The following AGBL1 variants were observed in gnomAD, a reference collection of about 807,000 sequenced individuals.
The protein encoded by AGBL1 is cytosolic carboxypeptidase 4.
Under a neutral mutation model 118.9 loss-of-function variants are expected in AGBL1, and 130 were observed. The observed-to-expected ratio is 1.09, with a 90% CI of 0.95 to 1.26. The LOEUF is 1.26. AGBL1 is among the 50% of genes most tolerant of loss of function. The pLI is 0.00. For missense variants in AGBL1, 1,584 were observed against 1,298.1 expected (o/e 1.22, Z -3.38); for synonymous variants, 555 against 478.9 (o/e 1.16, Z -2.08).
In AGBL1 at chr15:86,594,165, C is replaced by T. The variant is rs376179048; in HGVS notation, c.2994+39628C>T. Among the ~76,000 whole-genome samples the T allele has an allele frequency of 1.2e-4, 18 of 152,212 alleles. No individual in the cohort carries two copies. The East Asian group carries it at 3.1e-3, about 26-fold the overall frequency. On this transcript the variant is annotated intron_variant, in intron 21 of 22. Transcript: ENST00000614907. Reference sequence around the variant, plus strand: ...GCCTCAAGTGATCCTCCCACCTAGGCCTCCCAAAGTTCTAGGATTACAGGA... The same window carrying T: ...GCCTCAAGTGATCCTCCCACCTAGGTCTCCCAAAGTTCTAGGATTACAGGA...
At chr15:86,234,428 G>A (rs2078504654) in intron 6 of AGBL1, among the ~76,000 whole-genome samples, 1 of 151,824 alleles carries the variant, frequency 6.6e-6, no homozygotes, top group Non-Finnish European at 1.5e-5. Context: ...GCATGCACTT[G>A]TAGTCCCAGC....
At chr15:86,780,653 A>G (rs1338330655) in intron 22 of AGBL1, among the ~76,000 whole-genome samples, 1 of 121,306 alleles carries the variant, frequency 8.2e-6, no homozygotes, top group African/African-American at 2.6e-5. Flanking sequence ...GTCTTCTTTA[A>G]CTTCTTTTTT....
At chr15:86,190,103 A>G (rs1456287012) in intron 5 of AGBL1, among the ~76,000 whole-genome samples, 3 of 152,206 alleles carry the variant, frequency 2.0e-5, no homozygotes, top group African/African-American at 7.2e-5. Flanking sequence ...TTTTCATTGC[A>G]TAGTGGTAAT....
intron 23 of AGBL1, among the ~76,000 whole-genome samples, chr15:86,936,324 A>C (rs1392813104): frequency 6.6e-6 from 1 of 152,052 alleles, no homozygotes; most frequent in East Asian, 1.9e-4. Context: ...AACAAAAGTA[A>C]ATTACTCACT....
At chr15:86,872,217 G>A (rs1280285761) in intron 22 of AGBL1, among the ~76,000 whole-genome samples, 1 of 152,182 alleles carries the variant, frequency 6.6e-6, no homozygotes, top group South Asian at 2.1e-4. Flanking sequence ...AGCAGTGCCT[G>A]TGAATTCTCA....
intron 18 of AGBL1, among the ~76,000 whole-genome samples, chr15:86,504,290 C>G (rs936264055): frequency 1.3e-5 from 2 of 151,350 alleles, no homozygotes; most frequent in Admixed American, 1.3e-4. Context: ...TCTTTTAACC[C>G]ATTGTGTCTT....
chr15:86,624,483 C>T (rs1256253595), intron 21 of AGBL1, among the ~76,000 whole-genome samples: 4 of 152,166 alleles, frequency 2.6e-5, no homozygotes, highest in Non-Finnish European at 5.9e-5. Context: ...TGTTCAATAT[C>T]GATTCTGAGT....
rs1555462936 is a variant in AGBL1, at chr15:86,298,246, A to ATTATATATATATATATATATATAT, written c.2374+2838_2374+2839insTTATATATATATATATATATATAT. On this transcript the variant is annotated intron_variant, in intron 17 of 22. Coordinates refer to ENST00000614907, the MANE Select transcript of AGBL1 (RefSeq NM_001386094.1). ...GTATACAGGGTACGTGTCTGTGTAT[A>ATTATATATATATATATATATATAT]ATATATATATATATATATATATATA... Among the ~76,000 whole-genome samples, 11 of 69,804 alleles carry ATTATATATATATATATATATATAT rather than the reference A, an allele frequency of 1.6e-4. 1 individual carries two copies. The highest frequency in any genetic ancestry group is 2.6e-4 in the African/African-American group (4 of 15,352). 45.8% of individuals were successfully genotyped at this position (69,804 alleles called of 152,430 possible).
intron 2 of AGBL1, among the ~76,000 whole-genome samples, chr15:86,142,445 T>G (rs1461538816): frequency 6.6e-6 from 1 of 152,208 alleles, no homozygotes; most frequent in Non-Finnish European, 1.5e-5. Flanking sequence ...TGAAAGCATG[T>G]AAGCATCACG....
In AGBL1 at chr15:86,335,460, C is replaced by A. The variant is rs142838716; in HGVS notation, c.2374+40052C>A. Among the ~76,000 whole-genome samples, 20 of 152,160 alleles carry A rather than the reference C, an allele frequency of 1.3e-4. No individual in the cohort carries two copies. The East Asian group carries it at 3.9e-3, about 29-fold the overall frequency. ...GCCTAGATTGAGAAGTTCGAAGAAG[C>A]TTCAGAAAGAGCATAGAGAGTAGGA... On this transcript the variant is annotated intron_variant, in intron 17 of 22. Coordinates refer to ENST00000614907, the MANE Select transcript of AGBL1 (RefSeq NM_001386094.1).
At chr15:86,879,525 C>T (rs2079860998) in intron 22 of AGBL1, among the ~76,000 whole-genome samples, 1 of 152,180 alleles carries the variant, frequency 6.6e-6, no homozygotes. Flanking sequence ...TCCTTGCCCT[C>T]TTGCTAGTTT....
intron 24 of AGBL1, among the ~76,000 whole-genome samples, chr15:87,011,414 A>G (rs2081558765): frequency 6.6e-6 from 1 of 152,228 alleles, no homozygotes; most frequent in South Asian, 2.1e-4. Flanking sequence ...TAAATGGGGG[A>G]AAAGGGGGAA....
chr15:86,861,926 T>C (rs2079564223), intron 22 of AGBL1, among the ~76,000 whole-genome samples: 1 of 152,192 alleles, frequency 6.6e-6, no homozygotes, highest in Non-Finnish European at 1.5e-5. Flanking sequence ...TCAGGTCAAA[T>C]CTGCAAAGAT....
At chr15:86,581,896 G>A (rs1357414967) in intron 21 of AGBL1, among the ~76,000 whole-genome samples, 1 of 152,162 alleles carries the variant, frequency 6.6e-6, no homozygotes, top group Non-Finnish European at 1.5e-5. Context: ...TTTTGATTAT[G>A]AGGATCTTAT....
At chr15:86,873,112 G>A (rs930723950) in intron 22 of AGBL1, among the ~76,000 whole-genome samples, 1 of 152,190 alleles carries the variant, frequency 6.6e-6, no homozygotes, top group Admixed American at 6.5e-5. Context: ...TTTTTCACTG[G>A]TGGTTTCTTT....
chr15:86,925,143 A>AGAGGAGGAGGAGGAGGAGGAGGAG (rs1176964792), intron 23 of AGBL1, among the ~76,000 whole-genome samples: 9 of 80,582 alleles, frequency 1.1e-4, no homozygotes, highest in African/African-American at 2.4e-4. Flanking sequence ...AGGAAGAGGA[A>AGAGGAGGAGGAGGAGGAGGAGGAG]GAGGAGGAGG....
Position 86,266,411 on chromosome 15 carries a change from C to T in AGBL1, c.1705C>T (p.Pro569Ser). 6.3e-7 allele frequency: 1 copy of T among 1,580,642 alleles called. No individual in the cohort carries two copies. The highest frequency in any genetic ancestry group is 8.6e-7 in the Non-Finnish European group (1 of 1,161,606). The change falls in exon 12 of 23, where the codon CCA becomes TCA. Residue 569 changes from proline (P) to serine (S), a missense_variant. Transcript: ENST00000614907. ...TGAGGATATTCGGAGGCTCATCCAG[C>T]CAAGTGATGTTATAAATAAAGTTGT... Reference protein sequence around the residue: ...IFEDIRRLIQPSDVINKVVFS... With the variant: ...IFEDIRRLIQSSDVINKVVFS...
intron 24 of AGBL1, among the ~76,000 whole-genome samples, chr15:87,026,281 C>T (rs1666876492): frequency 6.6e-6 from 1 of 151,984 alleles, no homozygotes; most frequent in South Asian, 2.1e-4. Context: ...TATCCAGAAT[C>T]TACAATGAAC....
intron 19 of AGBL1, among the ~76,000 whole-genome samples, chr15:86,525,583 A>T (rs553847349): frequency 1.2e-3 from 177 of 152,292 alleles, no homozygotes; most frequent in African/African-American, 4.1e-3. Flanking sequence ...AAAGCCAGCC[A>T]CCTACAATTA....
Sources: allele counts gnomAD v4.1 joint callset (sites outside exome capture counted in the v4.1 genomes callset), GRCh38; gene constraint gnomAD v4.1.1; transcripts MANE v1.5; gene names NCBI Gene and HGNC (gene_info 2026-07-23, HGNC 2026-07-21).